FBXW2: variants seen among roughly 807,000 people sequenced by gnomAD.
The protein encoded by FBXW2 is F-box/WD repeat-containing protein 2.
Under a neutral mutation model 46.0 loss-of-function variants are expected in FBXW2, and 12 were observed. The ratio of observed to expected loss-of-function variants is 0.26; its 90% CI spans 0.17 to 0.42. FBXW2 has a LOEUF of 0.42. Ranked by LOEUF, FBXW2 falls within the 10% of genes least tolerant of loss-of-function variation. FBXW2 has a pLI of 1.00. For missense variants in FBXW2, 360 were observed against 537.0 expected (o/e 0.67, Z 3.26); for synonymous variants, 203 against 209.6 (o/e 0.97, Z 0.27).
chr9:120,792,905 C>A, intron 2 of FBXW2: 1 of 1,525,782 alleles, frequency 6.6e-7, no homozygotes, highest in Non-Finnish European at 8.8e-7. Flanking sequence ...ATGGCATACC[C>A]ACAATTATGG....
Position 120,788,122 on chromosome 9 carries a change from T to C in FBXW2, c.137A>G (p.Asn46Ser), listed in dbSNP as rs776116561. ...SGAVQLRHLS[N>S]NLETLLKRDF... ...CCGCTTGAGGAGAGTCTCTAGGTTATTGGAGAGATGCCTGAGCTGGACTGC... is the reference window on the plus strand; with the variant it reads ...CCGCTTGAGGAGAGTCTCTAGGTTACTGGAGAGATGCCTGAGCTGGACTGC... Residue 46 changes from asparagine to serine, a missense_variant, in exon 3 of 8, where the codon AAT becomes AGT. Transcript: ENST00000608872. 6.8e-6 allele frequency: 11 copies of C among 1,614,042 alleles called. No individual in the cohort carries two copies. The highest frequency in any genetic ancestry group is 2.2e-5 in the East Asian group (1 of 44,896).
rs2044193963 is a variant in FBXW2 at position 120,761,318 on chromosome 9, A to C, written c.*3241T>G. ...ATGATGGCCTTTATGAACCTGAAAG[A>C]AGCCGCTGGCTTCCACCACACCACA... On this transcript the variant is annotated 3_prime_UTR_variant, in exon 8 of 8. Coordinates refer to ENST00000608872, the MANE Select transcript of FBXW2 (RefSeq NM_012164.4). The C allele has an allele frequency of 6.6e-6, 1 of 152,256 alleles. No individual in the cohort carries two copies. The highest frequency in any genetic ancestry group is 1.5e-5 in the Non-Finnish European group (1 of 68,044). The allele number at this position is 152,256 out of a possible 1,614,324, so 9.4% of individuals were successfully genotyped here.
At chr9:120,790,353 G>C (rs1012663978) in intron 2 of FBXW2, among the ~76,000 whole-genome samples, 3 of 152,154 alleles carry the variant, frequency 2.0e-5, no homozygotes, top group African/African-American at 7.2e-5. Context: ...GCATGGTGGT[G>C]GGTGCCTGTA....
At chr9:120,785,941 C>T (rs1375974874) in intron 3 of FBXW2, among the ~76,000 whole-genome samples, 5 of 147,886 alleles carry the variant, frequency 3.4e-5, no homozygotes, top group African/African-American at 1.3e-4. Context: ...GAGACTCGAA[C>T]CCTGGAGGCA....
At chr9:120,790,123 T>C (rs1042783232) in intron 2 of FBXW2, among the ~76,000 whole-genome samples, 6 of 152,198 alleles carry the variant, frequency 3.9e-5, no homozygotes, top group Non-Finnish European at 5.9e-5. Context: ...GACAAAGCAA[T>C]TATCTTCTGT....
At position 120,793,264 on chromosome 9, in the gene FBXW2, G is replaced by T; in HGVS notation, c.-129-7C>A. ...CGCTCCGCAGCCATGGCGCCTGCAGGGAAAGAAAAACAGCCAAGGCGCGGC... is the reference window on the plus strand; with the variant it reads ...CGCTCCGCAGCCATGGCGCCTGCAGTGAAAGAAAAACAGCCAAGGCGCGGC... On this transcript the variant is annotated splice_region_variant and splice_polypyrimidine_tract_variant and intron_variant, in intron 1 of 7. Coordinates refer to ENST00000608872, the MANE Select transcript of FBXW2 (RefSeq NM_012164.4). 4.3e-6 allele frequency: 2 copies of T among 461,564 alleles called. No homozygotes were observed. Among genetic ancestry groups the T allele is most frequent in the Non-Finnish European group, 7.6e-6 (2 of 262,696 alleles). 28.6% of individuals were successfully genotyped at this position (461,564 alleles called of 1,614,324 possible).
At position 120,764,313 on chromosome 9, in the gene FBXW2, C is replaced by A; in HGVS notation, c.*246G>T. The A allele has an allele frequency of 2.0e-6, 1 of 503,206 alleles. No homozygotes were observed. Among genetic ancestry groups the A allele is most frequent in the Non-Finnish European group, 3.5e-6 (1 of 282,298 alleles). The allele number at this position is 503,206 out of a possible 1,614,324, so 31.2% of individuals were successfully genotyped here. A position where few individuals can be genotyped will look rare whatever the true frequency, so the allele number is the denominator to read the frequency against. The stretch of plus-strand genomic sequence containing the variant: ...CCAAAATGCATCCTCTAACACTGAC[C>A]AACATAACTAAGTACAAATGAAGTC... On this transcript the variant is annotated 3_prime_UTR_variant, in exon 8 of 8. Coordinates refer to ENST00000608872, the MANE Select transcript of FBXW2 (RefSeq NM_012164.4).
chr9:120,776,503 T>G, intron 4 of FBXW2: 1 of 362,036 alleles, frequency 2.8e-6, no homozygotes, highest in Non-Finnish European at 5.1e-6. Flanking sequence ...GATAATGGCA[T>G]TCCTTCTTAG....
intron 3 of FBXW2, among the ~76,000 whole-genome samples, chr9:120,784,671 G>C (rs1047650963): frequency 2.0e-5 from 3 of 151,764 alleles, no homozygotes; most frequent in Non-Finnish European, 4.4e-5. Flanking sequence ...TGTAATCCCA[G>C]CACTTTGGGA....
At chr9:120,771,136 C>T (rs533039875) in intron 7 of FBXW2, among the ~76,000 whole-genome samples, 4 of 152,328 alleles carry the variant, frequency 2.6e-5, no homozygotes, top group African/African-American at 7.2e-5. Flanking sequence ...AGCGGACGTT[C>T]CAGTACGTAA....
At chr9:120,772,111 T>C (rs943389474) in intron 6 of FBXW2, among the ~76,000 whole-genome samples, 2 of 151,162 alleles carry the variant, frequency 1.3e-5, no homozygotes, top group Non-Finnish European at 2.9e-5. Context: ...TGAGAGTACT[T>C]TGTGAACTCT....
rs2044141040 is a variant in FBXW2, at chr9:120,757,075, G to C, written c.*7484C>G. On this transcript the variant is annotated 3_prime_UTR_variant, in exon 8 of 8. Coordinates refer to ENST00000608872, the MANE Select transcript of FBXW2 (RefSeq NM_012164.4). ...CCAATGATTTCACAAGTATTTGAAA[G>C]TGTAATGGGTAAAAGATGCAGACAG... The C allele has an allele frequency of 6.6e-6, 1 of 152,200 alleles. No homozygotes were observed. Among genetic ancestry groups the C allele is most frequent in the African/African-American group, 2.4e-5 (1 of 41,454 alleles). The allele number at this position is 152,200 out of a possible 1,614,324, so 9.4% of individuals were successfully genotyped here.
chr9:120,790,214 C>G (rs2044806465), intron 2 of FBXW2, among the ~76,000 whole-genome samples: 1 of 152,216 alleles, frequency 6.6e-6, no homozygotes, highest in South Asian at 2.1e-4. Flanking sequence ...CACAGTGGCT[C>G]ACGCCTGTAA....
chr9:120,778,688 G>A (rs978904946), intron 3 of FBXW2, 143 bp from the exon 4 acceptor site: 9 of 725,546 alleles, frequency 1.2e-5, no homozygotes, highest in African/African-American at 1.8e-5. Flanking sequence ...ATCAAAGCAC[G>A]GAGAGAGTAA....
At position 120,771,319 on chromosome 9, in the gene FBXW2, G is replaced by A. The variant is rs200071773; in HGVS notation, c.1076+29C>T. The A allele has an allele frequency of 3.5e-5, 56 of 1,584,156 alleles. No homozygotes were observed. The East Asian group carries it at 1.2e-3, about 34-fold the overall frequency. ...ACTGAACTGCAGCAGGCTTTCAAAG[G>A]TAAAGCGTGAGGTCGAAGGAAACAT... is the stretch of plus-strand genomic sequence containing the variant. On this transcript the variant is annotated intron_variant, in intron 7 of 7. Coordinates refer to ENST00000608872, the MANE Select transcript of FBXW2 (RefSeq NM_012164.4).
chr9:120,767,518 A>G lies in FBXW2; in HGVS notation c.1077-2671T>C, dbSNP rs546076919. 5.9e-5 allele frequency among the ~76,000 whole-genome samples: 9 copies of G among 152,330 alleles called. No individual in the cohort carries two copies. In the South Asian group the frequency reaches 1.7e-3, roughly 28 times the overall value. On this transcript the variant is annotated intron_variant, in intron 7 of 7. Coordinates refer to ENST00000608872, the MANE Select transcript of FBXW2 (RefSeq NM_012164.4). Reference sequence around the variant, plus strand: ...AAGTAAAGGGGAATCAGAGGTCCCAATATGTGTGTTCCAAATGAGTTATAA... The same window carrying G: ...AAGTAAAGGGGAATCAGAGGTCCCAGTATGTGTGTTCCAAATGAGTTATAA...
chr9:120,787,729 T>C, intron 3 of FBXW2, 40 bp downstream of exon 3: 1 of 1,567,240 alleles, frequency 6.4e-7, no homozygotes, highest in African/African-American at 1.4e-5. Context: ...CCCTATGAAA[T>C]ACAAAACAAA....
intron 3 of FBXW2, among the ~76,000 whole-genome samples, chr9:120,782,023 CAA>C (rs35159726): frequency 2.0e-4 from 15 of 76,286 alleles, no homozygotes; most frequent in Admixed American, 1.3e-4. Context: ...AACTCCGTCT[CAA>C]AAAAAAAAAA....
chr9:120,766,150 C>A (rs1196443059), intron 7 of FBXW2, among the ~76,000 whole-genome samples: 1 of 152,098 alleles, frequency 6.6e-6, no homozygotes, highest in Non-Finnish European at 1.5e-5. Context: ...TTCAAGAGAG[C>A]AACCAGAATG....
Sources: gnomAD v4.1 joint callset for allele counts (sites outside exome capture counted in the v4.1 genomes callset) on GRCh38, gnomAD v4.1.1 for gene constraint, MANE v1.5 for transcripts, NCBI Gene and HGNC (gene_info 2026-07-23, HGNC 2026-07-21) for gene names.